Variants in STK3 observed in about 807,000 individuals in gnomAD.
STK3 encodes serine/threonine kinase 3.
In STK3, 41 loss-of-function variants were observed where a neutral mutation model predicts 58.0. That is an observed-to-expected ratio of 0.71 (90% CI 0.55 to 0.92). STK3 has a LOEUF of 0.92. Ranked by LOEUF, STK3 falls within the 40% of genes least tolerant of loss-of-function variation. STK3 has a pLI of 0.00. For missense variants in STK3, 479 were observed against 602.7 expected (o/e 0.79, Z 2.15); for synonymous variants, 170 against 191.0 (o/e 0.89, Z 0.91).
intron 8 of STK3, among the ~76,000 whole-genome samples, chr8:98,553,957 A>G (rs546874126): frequency 1.8e-3 from 262 of 142,744 alleles, no homozygotes; most frequent in East Asian, 0.011. Flanking sequence ...TCCCAAAGGG[A>G]AAAAAAAAAA....
intron 1 of STK3, among the ~76,000 whole-genome samples, chr8:98,381,673 G>A (rs1221821457): frequency 6.6e-6 from 1 of 152,204 alleles, no homozygotes; most frequent in East Asian, 1.9e-4. Flanking sequence ...TTTTGAGGTA[G>A]GTGTTACTGT....
chr8:98,350,982 G>C, the STK3 span, among the ~76,000 whole-genome samples: 1 of 152,012 alleles, frequency 6.6e-6, no homozygotes, highest in Admixed American at 6.6e-5. Context: ...AAGAGTACGT[G>C]GCATGAAAAA....
chr8:98,360,532 T>C, the STK3 span, among the ~76,000 whole-genome samples: 2 of 152,046 alleles, frequency 1.3e-5, no homozygotes, highest in Non-Finnish European at 2.9e-5. Flanking sequence ...TTTTTTTCAT[T>C]AATTTCCCCA....
chr8:98,676,346 G>A (rs1013435782), intron 6 of STK3, among the ~76,000 whole-genome samples: 3 of 152,020 alleles, frequency 2.0e-5, no homozygotes, highest in South Asian at 2.1e-4. Context: ...TAAATGGGGC[G>A]GGGCGCGGTG....
intron 3 of STK3, 142 bp from the exon 4 acceptor site, chr8:98,749,532 A>G (rs1172947508): frequency 1.1e-5 from 5 of 454,526 alleles, no homozygotes; most frequent in African/African-American, 4.0e-5. Flanking sequence ...CAAATTCTCA[A>G]TATCTGGAGT....
chr8:98,705,844 G>C (rs1825927256), intron 6 of STK3, among the ~76,000 whole-genome samples: 1 of 151,896 alleles, frequency 6.6e-6, no homozygotes, highest in Non-Finnish European at 1.5e-5. Context: ...TGAAACACAG[G>C]CAATTAGACT....
At chr8:98,656,085 T>C (rs373035036) in intron 6 of STK3, among the ~76,000 whole-genome samples, 11 of 152,036 alleles carry the variant, frequency 7.2e-5, no homozygotes, top group African/African-American at 1.2e-4. Flanking sequence ...GGAACCAACC[T>C]AAATGTCCAA....
At chr8:98,435,223 C>A (rs180978315) in intron 2 of STK3, among the ~76,000 whole-genome samples, 315 of 152,318 alleles carry the variant, frequency 2.1e-3, no homozygotes, top group Non-Finnish European at 2.8e-3. Flanking sequence ...CCAGACAGGG[C>A]ATGGTGCTGG....
At chr8:98,413,783 A>G (rs1818083597) in intron 3 of STK3, 1 of 644,740 alleles carries the variant, frequency 1.6e-6, no homozygotes, top group Non-Finnish European at 3.0e-6. Context: ...ATCGTCATCC[A>G]TCTTCTCCGA....
chr8:98,754,193 G>GA (rs1438751414), intron 3 of STK3, among the ~76,000 whole-genome samples: 1 of 152,136 alleles, frequency 6.6e-6, no homozygotes, highest in South Asian at 2.1e-4. Flanking sequence ...AACCATTTAA[G>GA]AAAAGTGCTT....
At chr8:98,418,016 C>T (rs913583411) in intron 3 of STK3, among the ~76,000 whole-genome samples, 5 of 152,104 alleles carry the variant, frequency 3.3e-5, no homozygotes, top group Admixed American at 1.3e-4. Context: ...CTTAAGCAAT[C>T]CTCCTGCCTC....
chr8:98,639,849 G>A (rs1233793636), intron 6 of STK3, among the ~76,000 whole-genome samples: 8 of 151,956 alleles, frequency 5.3e-5, no homozygotes, highest in Admixed American at 5.2e-4. Flanking sequence ...GGTGGCTCAC[G>A]CCTGTAATCC....
chr8:98,894,296 TC>T (rs769890694), intron 1 of STK3, among the ~76,000 whole-genome samples: 1 of 152,194 alleles, frequency 6.6e-6, no homozygotes, highest in Non-Finnish European at 1.5e-5. Context: ...GGACAGCTCA[TC>T]AATCAATTCA....
intron 1 of STK3, among the ~76,000 whole-genome samples, chr8:98,383,568 C>A (rs1817760348): frequency 6.6e-6 from 1 of 152,158 alleles, no homozygotes; most frequent in Non-Finnish European, 1.5e-5. Flanking sequence ...GTGAAACGTC[C>A]TGATTTTAAA....
intron 8 of STK3, among the ~76,000 whole-genome samples, chr8:98,552,337 C>T (rs1302037458): frequency 6.6e-6 from 1 of 152,086 alleles, no homozygotes; most frequent in Non-Finnish European, 1.5e-5. Flanking sequence ...CTGCTAAGAA[C>T]TCTGCATTTG....
At chr8:98,855,887 T>A (rs1836650403) in intron 3 of STK3, among the ~76,000 whole-genome samples, 2 of 151,956 alleles carry the variant, frequency 1.3e-5, no homozygotes, top group Admixed American at 1.3e-4. Context: ...CCGGGCATGG[T>A]GGTTCACGCC....
intron 6 of STK3, among the ~76,000 whole-genome samples, chr8:98,689,864 T>C (rs901206097): frequency 2.0e-5 from 3 of 152,186 alleles, no homozygotes; most frequent in Non-Finnish European, 4.4e-5. Flanking sequence ...GTGGGCTTTA[T>C]TCCTAGGATG....
At chr8:98,358,365 G>A in the STK3 span, among the ~76,000 whole-genome samples, 1 of 152,146 alleles carries the variant, frequency 6.6e-6, no homozygotes, top group Non-Finnish European at 1.5e-5. Flanking sequence ...CAAGAGGGAG[G>A]AACAGAACTG....
At chr8:98,353,828 A>G in the STK3 span, among the ~76,000 whole-genome samples, 1 of 152,154 alleles carries the variant, frequency 6.6e-6, no homozygotes, top group Non-Finnish European at 1.5e-5. Flanking sequence ...TAGAGACCAA[A>G]GGAACCAGGA....
Sources: gnomAD v4.1 joint callset for allele counts (sites outside exome capture counted in the v4.1 genomes callset) on GRCh38, gnomAD v4.1.1 for gene constraint, MANE v1.5 for transcripts, NCBI Gene and HGNC (gene_info 2026-07-23, HGNC 2026-07-21) for gene names.